The following STIM1 variants were observed in gnomAD, a reference collection of about 807,000 sequenced individuals.
STIM1 encodes stromal interaction molecule 1.
A neutral mutation model predicts 74.7 loss-of-function variants in STIM1; 25 were observed. The ratio of observed to expected loss-of-function variants is 0.33; its 90% CI spans 0.24 to 0.47. The LOEUF (loss-of-function observed/expected upper bound fraction) is 0.47, where lower values mean the gene tolerates loss of function less well. Ranked by LOEUF, STIM1 falls within the 20% of genes least tolerant of loss-of-function variation. The probability of loss-of-function intolerance (pLI) is 1.00; values close to 1 mark genes in which losing one functional copy is unlikely to be tolerated. For missense variants in STIM1, 728 were observed against 920.8 expected (o/e 0.79, Z 2.71); for synonymous variants, 328 against 348.8 (o/e 0.94, Z 0.66).
intron 1 of STIM1, among the ~76,000 whole-genome samples, chr11:3,955,988 T>A (rs2093207591): frequency 6.7e-6 from 1 of 148,992 alleles, no homozygotes. Flanking sequence ...ATGCCCAGAG[T>A]AGTCAGGAGT....
intron 6 of STIM1, 29 bp downstream of exon 6, chr11:4,070,232 G>A: frequency 1.2e-6 from 2 of 1,612,798 alleles, no homozygotes; most frequent in Middle Eastern, 1.9e-4. Flanking sequence ...GGAAAGGTGA[G>A]GCCCTGCCAG....
At chr11:4,053,587 G>A (rs1424973435) in intron 3 of STIM1, among the ~76,000 whole-genome samples, 2 of 151,984 alleles carry the variant, frequency 1.3e-5, no homozygotes, top group East Asian at 1.9e-4. Context: ...GTTGTGGGGT[G>A]GGGGGAAGGG....
rs1053061255 is a variant in STIM1 at position 4,074,492 on chromosome 11, G to A, written c.792-10G>A. ...CTGGCCTCCTCCAGCTCCCTGCATTGCCCCCCCAGGCTGCACAAGGCCCAG... is the reference window on the plus strand; with the variant it reads ...CTGGCCTCCTCCAGCTCCCTGCATTACCCCCCCAGGCTGCACAAGGCCCAG... On this transcript the variant is annotated splice_polypyrimidine_tract_variant and intron_variant, in intron 6 of 12. Coordinates refer to ENST00000526596, the MANE Select transcript of STIM1 (RefSeq NM_001382567.1). 3 of 1,612,648 alleles carry A rather than the reference G, an allele frequency of 1.9e-6. No individual in the cohort carries two copies. In the African/African-American group the frequency reaches 4.0e-5, roughly 22 times the overall value.
At chr11:3,927,049 A>T (rs1011886963) in intron 1 of STIM1, among the ~76,000 whole-genome samples, 7 of 152,248 alleles carry the variant, frequency 4.6e-5, no homozygotes, top group Non-Finnish European at 7.3e-5. Context: ...ATGAAAAATT[A>T]GTTAATCCAT....
intron 3 of STIM1, among the ~76,000 whole-genome samples, chr11:4,027,083 A>G (rs2094003702): frequency 6.6e-6 from 1 of 152,170 alleles, no homozygotes; most frequent in Non-Finnish European, 1.5e-5. Flanking sequence ...TGTGTGATCC[A>G]AGGGACCCAC....
At position 4,010,325 on chromosome 11, in the gene STIM1, C is replaced by G. The variant is rs986564270; in HGVS notation, c.271-13548C>G. ...AGCTGGGATTGCAGGTGTGTGCCATCCTGCCTAGCTGATTTTTGTATTTTT... is the reference window on the plus strand; with the variant it reads ...AGCTGGGATTGCAGGTGTGTGCCATGCTGCCTAGCTGATTTTTGTATTTTT... On this transcript the variant is annotated intron_variant, in intron 2 of 12. Transcript: ENST00000526596. Among the ~76,000 whole-genome samples, 20 of 152,012 alleles carry G rather than the reference C, an allele frequency of 1.3e-4. 1 individual carries two copies. Among genetic ancestry groups the G allele is most frequent in the Admixed American group, 1.2e-3 (19 of 15,270 alleles).
At position 4,028,962 on chromosome 11, in the gene STIM1, C is replaced by T. The variant is rs187810573; in HGVS notation, c.385+4975C>T. On this transcript the variant is annotated intron_variant, in intron 3 of 12. Coordinates refer to ENST00000526596, the MANE Select transcript of STIM1 (RefSeq NM_001382567.1). ...CAGCACTTTGGGAGGCTGAGGCAGG[C>T]AGATCATGAGGTCAGGAGTTCAAGA... 5.5e-3 allele frequency among the ~76,000 whole-genome samples: 829 copies of T among 151,834 alleles called. 7 individuals carry two copies. Among genetic ancestry groups the T allele is most frequent in the African/African-American group, 0.019 (795 of 41,444 alleles).
At chr11:3,860,636 G>A (rs951292225) in intron 1 of STIM1, among the ~76,000 whole-genome samples, 3 of 152,104 alleles carry the variant, frequency 2.0e-5, no homozygotes, top group Admixed American at 2.0e-4. Context: ...CTAATTCAAA[G>A]GTTACGAGAT....
At chr11:3,993,883 A>C (rs1241630840) in intron 2 of STIM1, among the ~76,000 whole-genome samples, 1 of 152,170 alleles carries the variant, frequency 6.6e-6, no homozygotes, top group Non-Finnish European at 1.5e-5. Flanking sequence ...TTTATTATTT[A>C]TTGCCTAGAA....
At position 4,092,412 on chromosome 11, in the gene STIM1, GAAC is replaced by G. The variant is rs990664615; in HGVS notation, c.*618_*620del. 6 of 164,048 alleles carry G rather than the reference GAAC, an allele frequency of 3.7e-5. No homozygotes were observed. The highest frequency in any genetic ancestry group is 6.8e-5 in the Non-Finnish European group (5 of 73,514). The allele number at this position is 164,048 out of a possible 1,614,324, so 10.2% of individuals were successfully genotyped here. On this transcript the variant is annotated 3_prime_UTR_variant, in exon 13 of 13. Transcript: ENST00000526596. The stretch of plus-strand genomic sequence containing the variant: ...TGGGGGAGTGAAACCAATTCTCAGA[GAAC>G]AACCCACCAGAGACTTTTAAAGAGA...
intron 4 of STIM1, among the ~76,000 whole-genome samples, chr11:4,056,992 C>T (rs2094294813): frequency 6.6e-6 from 1 of 152,196 alleles, no homozygotes; most frequent in Admixed American, 6.5e-5. Context: ...GGCTTCCTTT[C>T]AATATTCAGT....
intron 2 of STIM1, among the ~76,000 whole-genome samples, chr11:3,980,832 A>G (rs2093497028): frequency 1.3e-5 from 2 of 152,130 alleles, no homozygotes; most frequent in African/African-American, 2.4e-5. Flanking sequence ...GATGTTTAGT[A>G]GCATTCCTAG....
At chr11:4,002,423 A>G (rs1199780602) in intron 2 of STIM1, among the ~76,000 whole-genome samples, 1 of 152,238 alleles carries the variant, frequency 6.6e-6, no homozygotes, top group African/African-American at 2.4e-5. Context: ...AGAACTCAGG[A>G]TTAAGAAACT....
intron 1 of STIM1, among the ~76,000 whole-genome samples, chr11:3,897,700 T>C (rs556740136): frequency 1.3e-5 from 2 of 151,800 alleles, no homozygotes; most frequent in South Asian, 4.2e-4. Flanking sequence ...GAGTGTGATG[T>C]TCCCCTTCCT....
At chr11:4,066,845 G>A (rs972754236) in intron 5 of STIM1, among the ~76,000 whole-genome samples, 2 of 152,164 alleles carry the variant, frequency 1.3e-5, no homozygotes, top group Non-Finnish European at 2.9e-5. Flanking sequence ...TTGAAGAATG[G>A]GAATGGGATT....
At chr11:4,058,627 G>A in intron 4 of STIM1, 2 of 219,778 alleles carry the variant, frequency 9.1e-6, no homozygotes, top group Non-Finnish European at 1.5e-5. Flanking sequence ...TCATTTTCTT[G>A]TTCACAGGCT....
intron 1 of STIM1, 69 bp downstream of exon 1, chr11:3,856,478 A>C: frequency 1.3e-6 from 2 of 1,559,920 alleles, no homozygotes; most frequent in East Asian, 2.3e-5. Context: ...CGAAGTGGGC[A>C]AGTTGAAATC....
At chr11:4,003,508 T>G (rs1253756289) in intron 2 of STIM1, among the ~76,000 whole-genome samples, 5 of 151,118 alleles carry the variant, frequency 3.3e-5, no homozygotes, top group Admixed American at 2.0e-4. Context: ...TCTCAATAGA[T>G]GCAGAAAAGG....
chr11:4,057,879 A>AG, intron 4 of STIM1, among the ~76,000 whole-genome samples: 1 of 152,188 alleles, frequency 6.6e-6, no homozygotes, highest in East Asian at 1.9e-4. Flanking sequence ...CAAAAAAAAA[A>AG]AAAAAAAGAA....
Sources: gnomAD v4.1 joint callset for allele counts (sites outside exome capture counted in the v4.1 genomes callset) on GRCh38, gnomAD v4.1.1 for gene constraint, MANE v1.5 for transcripts, NCBI Gene and HGNC (gene_info 2026-07-23, HGNC 2026-07-21) for gene names.